TXNDC11: variants seen among roughly 807,000 people sequenced by gnomAD.
The protein encoded by TXNDC11 is thioredoxin domain containing 11.
In TXNDC11, 68 loss-of-function variants were observed where a neutral mutation model predicts 78.0. The ratio of observed to expected loss-of-function variants is 0.87; its 90% CI spans 0.72 to 1.07. The LOEUF (loss-of-function observed/expected upper bound fraction) is 1.07, where lower values mean the gene tolerates loss of function less well. TXNDC11 is among the 50% of genes least tolerant of loss of function. The pLI is 0.00. For missense variants in TXNDC11, 1,389 were observed against 1,221.8 expected (o/e 1.14, Z -2.04); for synonymous variants, 571 against 495.2 (o/e 1.15, Z -2.03).
chr16:11,725,556 C>A (rs2051850714), intron 4 of TXNDC11, among the ~76,000 whole-genome samples: 1 of 152,170 alleles, frequency 6.6e-6, no homozygotes, highest in East Asian at 1.9e-4. Context: ...TGGGGAGCCA[C>A]AAGGCTGGGC....
At chr16:11,693,592 A>G (rs1351774707) in intron 7 of TXNDC11, among the ~76,000 whole-genome samples, 1 of 152,246 alleles carries the variant, frequency 6.6e-6, no homozygotes, top group East Asian at 1.9e-4. Flanking sequence ...TTAATTCAAA[A>G]CATACATATT....
rs762416300 is a variant in TXNDC11 at position 11,684,120 on chromosome 16, C to T, written c.2234+45G>A. 6.0e-5 allele frequency: 82 copies of T among 1,365,212 alleles called. No individual in the cohort carries two copies. The South Asian group carries it at 9.6e-4, about 16-fold the overall frequency. 84.6% of individuals were successfully genotyped at this position (1,365,212 alleles called of 1,614,324 possible). ...AACCCATTTCATTTTCAGACCTCCACAAAAGAATCCCAACTGCCCACCAGT... is the reference window on the plus strand; with the variant it reads ...AACCCATTTCATTTTCAGACCTCCATAAAAGAATCCCAACTGCCCACCAGT... On this transcript the variant is annotated intron_variant, in intron 11 of 11. Coordinates refer to ENST00000283033, the MANE Select transcript of TXNDC11 (RefSeq NM_015914.7).
At chr16:11,730,019 AG>A (rs555723994) in intron 4 of TXNDC11, among the ~76,000 whole-genome samples, 123 of 152,310 alleles carry the variant, frequency 8.1e-4, no homozygotes, top group African/African-American at 2.9e-3. Flanking sequence ...ACTTGAACCC[AG>A]GAAGTGGAGT....
chr16:11,684,596 A>C (rs1478195625), intron 10 of TXNDC11, among the ~76,000 whole-genome samples: 1 of 152,260 alleles, frequency 6.6e-6, no homozygotes, highest in East Asian at 1.9e-4. Context: ...AAAGGAAATC[A>C]TTGAGCAAAA....
intron 11 of TXNDC11, among the ~76,000 whole-genome samples, chr16:11,682,477 C>T (rs2050448009): frequency 6.6e-6 from 1 of 152,252 alleles, no homozygotes. Context: ...ACGAAGGTCA[C>T]TCAGCCCAGA....
intron 10 of TXNDC11, among the ~76,000 whole-genome samples, chr16:11,685,904 C>T (rs149231462): frequency 6.6e-6 from 1 of 152,226 alleles, no homozygotes; most frequent in African/African-American, 2.4e-5. Context: ...CTCAGAATTC[C>T]ATTGGGCTAA....
chr16:11,721,690 A>C lies in TXNDC11; in HGVS notation c.700-20T>G. ...TCCAGGCTGCAGGAAAAAGAGCAGA[A>C]TTAGGTAACTGAGGCACTGTCAGCC... On this transcript the variant is annotated intron_variant, in intron 4 of 11. Transcript: ENST00000283033. The C allele has an allele frequency of 6.7e-7, 1 of 1,501,158 alleles. No homozygotes were observed. The highest frequency in any genetic ancestry group is 9.3e-7 in the Non-Finnish European group (1 of 1,079,994). The allele number at this position is 1,501,158 out of a possible 1,614,324, so 93.0% of individuals were successfully genotyped here. A position where few individuals can be genotyped will look rare whatever the true frequency, so the allele number is the denominator to read the frequency against.
intron 7 of TXNDC11, among the ~76,000 whole-genome samples, chr16:11,696,452 T>C (rs577527196): frequency 1.4e-4 from 22 of 152,328 alleles, no homozygotes; most frequent in Non-Finnish European, 2.6e-4. Flanking sequence ...GACAAGCCTC[T>C]AAGACCACAG....
intron 4 of TXNDC11, among the ~76,000 whole-genome samples, chr16:11,725,873 G>C (rs1342988440): frequency 2.0e-5 from 3 of 152,124 alleles, no homozygotes; most frequent in Non-Finnish European, 2.9e-5. Context: ...TGGTCTCAGA[G>C]TCTTGTCTTT....
At chr16:11,686,557 T>C (rs951469350) in intron 10 of TXNDC11, among the ~76,000 whole-genome samples, 2 of 152,254 alleles carry the variant, frequency 1.3e-5, no homozygotes, top group African/African-American at 4.8e-5. Context: ...GTTATGGCAA[T>C]GTACTCATTC....
At chr16:11,705,506 A>G (rs1010916367) in intron 5 of TXNDC11, among the ~76,000 whole-genome samples, 18 of 152,166 alleles carry the variant, frequency 1.2e-4, no homozygotes, top group African/African-American at 3.6e-4. Flanking sequence ...GAAGAGAAGG[A>G]AAAGCAGCCA....
In TXNDC11 at chr16:11,687,883, C is replaced by T; in HGVS notation, c.2127G>A (p.Leu709=). Residue 709 remains leucine (L), a synonymous_variant, in exon 10 of 12, where the codon CTG becomes CTA. Coordinates refer to ENST00000283033, the MANE Select transcript of TXNDC11 (RefSeq NM_015914.7). ...NHIFIQLARN[L]PMDTFTVARI... ...TTGCCACAGTGAATGTGTCCATGGG[C>T]AGGTTCCGAGCTAGCTGGATGAAGA... The T allele has an allele frequency of 1.9e-6, 3 of 1,613,596 alleles. No homozygotes were observed. The highest frequency in any genetic ancestry group is 3.3e-5 in the Admixed American group (2 of 59,988).
In TXNDC11 at chr16:11,698,183, G is replaced by C. The variant is rs370268157; in HGVS notation, c.1049C>G (p.Ala350Gly). The C allele has an allele frequency of 6.2e-7, 1 of 1,614,222 alleles. No homozygotes were observed. Among genetic ancestry groups the C allele is most frequent in the Middle Eastern group, 1.6e-4 (1 of 6,062 alleles). ...LLNNELKKGPALFLFIPFNPL... is the reference protein window; with the variant it reads ...LLNNELKKGPGLFLFIPFNPL... ...ATTAAAAGGTATGAACAGAAACAGC[G>C]CTGGTCCTTTCTTCAGCTCGTTATT... The change falls in exon 7 of 12, where the codon GCG (alanine) becomes GGG (glycine). Residue 350 changes from alanine (A) to glycine (G), a missense_variant. Transcript: ENST00000283033.
chr16:11,710,398 C>A (rs879101258), intron 5 of TXNDC11, among the ~76,000 whole-genome samples: 7 of 152,130 alleles, frequency 4.6e-5, no homozygotes, highest in Admixed American at 6.5e-5. Flanking sequence ...AGCTCCCAGG[C>A]CTACAAAAAT....
At chr16:11,688,561 A>AC (rs2050627800) in intron 8 of TXNDC11, 116 bp from the exon 9 acceptor site, 2 of 892,652 alleles carry the variant, frequency 2.2e-6, no homozygotes, top group Non-Finnish European at 3.3e-6. Context: ...CACATTTTTA[A>AC]CATTTCACCT....
At chr16:11,735,978 T>A in intron 2 of TXNDC11, 39 bp downstream of exon 2, 1 of 1,597,928 alleles carries the variant, frequency 6.3e-7, no homozygotes, top group Non-Finnish European at 8.6e-7. Flanking sequence ...CATATAGGAC[T>A]GACAGTCATT....
In TXNDC11 at chr16:11,679,498, C is replaced by G. The variant is rs765045815; in HGVS notation, c.2574G>C (p.Gln858His). ...TCTTCTGCTCATAGAGGGCCTGCAGCTGCTCACTGTGTGCGTGGAGCAGGC... is the reference window on the plus strand; with the variant it reads ...TCTTCTGCTCATAGAGGGCCTGCAGGTGCTCACTGTGTGCGTGGAGCAGGC... ...QHSLLHAHSE[Q>H]LQALYEQKTR... Residue 858 changes from glutamine (Q) to histidine (H), a missense_variant, in exon 12 of 12, where the codon CAG becomes CAC. Transcript: ENST00000283033. This position sits in a 1 kb window ranked among gnomAD's most constrained non-coding sequence, Gnocchi z 4.6. The G allele has an allele frequency of 4.3e-6, 7 of 1,613,430 alleles. No homozygotes were observed. The African/African-American group carries it at 8.0e-5, about 18-fold the overall frequency.
chr16:11,732,411 A>G (rs1190392811), intron 3 of TXNDC11, among the ~76,000 whole-genome samples: 2 of 152,180 alleles, frequency 1.3e-5, no homozygotes, highest in East Asian at 3.8e-4. Context: ...CAGCAGGGCA[A>G]GCTCACCATC....
chr16:11,728,726 G>C (rs910315056), intron 4 of TXNDC11, among the ~76,000 whole-genome samples: 1 of 152,066 alleles, frequency 6.6e-6, no homozygotes, highest in South Asian at 2.1e-4. Context: ...CAGAACGATC[G>C]CTTGAGCCGA....
Sources: allele counts gnomAD v4.1 joint callset (sites outside exome capture counted in the v4.1 genomes callset), GRCh38; gene constraint gnomAD v4.1.1; non-coding constraint Gnocchi (gnomAD v3.1); transcripts MANE v1.5; gene names NCBI Gene and HGNC (gene_info 2026-07-23, HGNC 2026-07-21).